RBMS3: variants seen among roughly 807,000 people sequenced by gnomAD.
The protein encoded by RBMS3 is RNA-binding motif, single-stranded-interacting protein 3.
In RBMS3, 27 loss-of-function variants were observed where a neutral mutation model predicts 66.8. The ratio of observed to expected loss-of-function variants is 0.40; its 90% confidence interval spans 0.30 to 0.56. RBMS3 has a LOEUF of 0.56. Ranked by LOEUF, RBMS3 falls within the 20% of genes least tolerant of loss-of-function variation. The probability of loss-of-function intolerance (pLI) is 0.40; values close to 1 mark genes in which losing one functional copy is unlikely to be tolerated. For synonymous variants in RBMS3, 188 were observed against 183.0 expected (o/e 1.03, Z -0.22); for missense variants, 513 against 549.5 (o/e 0.93, Z 0.66).
rs576923438 is a variant in RBMS3, at chr3:29,869,617, G to A, written c.744+653G>A. ...ATCCATTTACCCTCAATACAAACTGGTAAAAAAGCCAGTTTATGGATCCAG... is the reference window on the plus strand; with the variant it reads ...ATCCATTTACCCTCAATACAAACTGATAAAAAAGCCAGTTTATGGATCCAG... On this transcript the variant is annotated intron_variant, in intron 7 of 14. Coordinates refer to ENST00000383767, the MANE Select transcript of RBMS3 (RefSeq NM_001003793.3). Among the ~76,000 whole-genome samples, 16 of 152,060 alleles carry A rather than the reference G, an allele frequency of 1.1e-4. 1 individual carries two copies. Among genetic ancestry groups the A allele is most frequent in the Non-Finnish European group, 2.2e-4 (15 of 67,984 alleles).
At chr3:29,583,075 C>G (rs1450353285) in intron 3 of RBMS3, among the ~76,000 whole-genome samples, 2 of 152,110 alleles carry the variant, frequency 1.3e-5, no homozygotes, top group African/African-American at 4.8e-5. Context: ...ACAAAAGGGC[C>G]AACCTCTCTC....
chr3:29,651,208 A>T (rs9831085), intron 4 of RBMS3, among the ~76,000 whole-genome samples: 1 of 152,006 alleles, frequency 6.6e-6, no homozygotes, highest in East Asian at 1.9e-4. Flanking sequence ...GAGGTCTTGC[A>T]TAGGACTCTA....
chr3:29,355,699 C>A (rs1414478501), intron 1 of RBMS3, among the ~76,000 whole-genome samples: 1 of 151,990 alleles, frequency 6.6e-6, no homozygotes, highest in East Asian at 1.9e-4. Context: ...ACAGTATATG[C>A]CTTCATTTCC....
chr3:29,865,559 G>A (rs537588254), intron 6 of RBMS3, among the ~76,000 whole-genome samples: 3 of 152,300 alleles, frequency 2.0e-5, no homozygotes, highest in African/African-American at 7.2e-5. Flanking sequence ...AACAAAATAA[G>A]CAAGTTGGTC....
chr3:29,998,828 C>T (rs1699425454), intron 14 of RBMS3, among the ~76,000 whole-genome samples: 1 of 152,130 alleles, frequency 6.6e-6, no homozygotes, highest in South Asian at 2.1e-4. Flanking sequence ...TAGAAGAAAA[C>T]CTGGGCAATA....
intron 4 of RBMS3, among the ~76,000 whole-genome samples, chr3:29,694,359 C>T (rs1023504578): frequency 6.6e-6 from 1 of 152,156 alleles, no homozygotes; most frequent in Non-Finnish European, 1.5e-5. Context: ...TAACAAATTT[C>T]TCTACTATTT....
Position 29,960,363 on chromosome 3 carries a change from C to G in RBMS3, c.1098+16109C>G, listed in dbSNP as rs931823774. Among the ~76,000 whole-genome samples, 8 of 152,196 alleles carry G rather than the reference C, an allele frequency of 5.3e-5. No individual in the cohort carries two copies. The South Asian group carries it at 1.4e-3, about 28-fold the overall frequency. On this transcript the variant is annotated intron_variant, in intron 12 of 14. Coordinates refer to ENST00000383767, the MANE Select transcript of RBMS3 (RefSeq NM_001003793.3). The stretch of plus-strand genomic sequence containing the variant: ...TCCCATGGCCTTGGGCAGCTTTGCC[C>G]CTGTGGCTTTGCAGGGAACAGCTCC...
At chr3:29,566,143 A>C (rs1284001136) in intron 3 of RBMS3, among the ~76,000 whole-genome samples, 3 of 152,180 alleles carry the variant, frequency 2.0e-5, no homozygotes, top group Non-Finnish European at 4.4e-5. Flanking sequence ...ATATAGTTAC[A>C]AACAAAACCA....
rs190843008 is a variant in RBMS3, at chr3:29,753,924, C to T, written c.558-8986C>T. Among the ~76,000 whole-genome samples, 513 of 151,952 alleles carry T rather than the reference C, an allele frequency of 3.4e-3. 2 individuals are homozygous for T. Among genetic ancestry groups the T allele is most frequent in the African/African-American group, 0.012 (483 of 41,432 alleles). On this transcript the variant is annotated intron_variant, in intron 5 of 14. Coordinates refer to ENST00000383767, the MANE Select transcript of RBMS3 (RefSeq NM_001003793.3). The stretch of plus-strand genomic sequence containing the variant: ...TTTCAGAGAGAAACTATTTTTTCCC[C>T]GACCAAAATTTTAAATGAGATAAAA...
At chr3:29,793,029 G>C (rs1186880146) in intron 6 of RBMS3, among the ~76,000 whole-genome samples, 1 of 152,134 alleles carries the variant, frequency 6.6e-6, no homozygotes, top group Admixed American at 6.5e-5. Context: ...CTTGAGGTCA[G>C]GAGTTCAAGA....
At chr3:29,647,088 G>T (rs139547722) in intron 4 of RBMS3, among the ~76,000 whole-genome samples, 16 of 151,728 alleles carry the variant, frequency 1.1e-4, no homozygotes, top group Admixed American at 9.2e-4. Context: ...AGTGATTCTC[G>T]TGCCTCAGCC....
intron 10 of RBMS3, among the ~76,000 whole-genome samples, chr3:29,921,414 C>T (rs929974563): frequency 2.1e-5 from 3 of 143,416 alleles, no homozygotes; most frequent in Admixed American, 7.6e-5. Flanking sequence ...AGAATAGCCA[C>T]TCAGAATATG....
rs948421190 is a variant in RBMS3, at chr3:29,447,008, G to A, written c.248+12093G>A. Among the ~76,000 whole-genome samples the A allele has an allele frequency of 5.2e-5, 7 of 135,814 alleles. No homozygotes were observed. In the East Asian group the frequency reaches 7.0e-4, roughly 14 times the overall value. 89.1% of individuals were successfully genotyped at this position (135,814 alleles called of 152,430 possible). A position where few individuals can be genotyped will look rare whatever the true frequency, so the allele number is the denominator to read the frequency against. On this transcript the variant is annotated intron_variant, in intron 2 of 14. Transcript: ENST00000383767. ...GGCTCACTGCACCTCCGCCTCCCAC[G>A]TTCAAGCCATTCTCTTGCCTCAGTC...
intron 1 of RBMS3, among the ~76,000 whole-genome samples, chr3:29,336,307 C>G (rs1052203690): frequency 3.9e-5 from 6 of 152,122 alleles, no homozygotes; most frequent in Non-Finnish European, 8.8e-5. Context: ...CTGATCCAAA[C>G]TATACCATGG....
At chr3:29,872,925 C>G (rs150584641) in intron 7 of RBMS3, among the ~76,000 whole-genome samples, 3 of 152,216 alleles carry the variant, frequency 2.0e-5, no homozygotes, top group African/African-American at 7.2e-5. Context: ...TTTCTGGGCT[C>G]TCTATTCTGT....
intron 3 of RBMS3, among the ~76,000 whole-genome samples, chr3:29,541,194 A>T (rs2045742084): frequency 6.6e-6 from 1 of 151,434 alleles, no homozygotes; most frequent in African/African-American, 2.4e-5. Flanking sequence ...CATGTGAAAA[A>T]CTCCCAAAAA....
intron 1 of RBMS3, among the ~76,000 whole-genome samples, chr3:29,377,957 T>G (rs2038562498): frequency 6.6e-6 from 1 of 152,206 alleles, no homozygotes; most frequent in Non-Finnish European, 1.5e-5. Flanking sequence ...AATCAGCCTA[T>G]GTATATTGAT....
At chr3:29,453,169 C>T (rs1473117834) in intron 2 of RBMS3, among the ~76,000 whole-genome samples, 1 of 152,138 alleles carries the variant, frequency 6.6e-6, no homozygotes, top group Non-Finnish European at 1.5e-5. Context: ...TAGCTAATCT[C>T]AAATGTTTGA....
At chr3:29,882,670 A>G (rs1338559013) in intron 7 of RBMS3, among the ~76,000 whole-genome samples, 1 of 152,128 alleles carries the variant, frequency 6.6e-6, no homozygotes, top group Admixed American at 6.6e-5. Context: ...GCAGCAGGCT[A>G]TACTGTACAT....
Sources: gnomAD v4.1 joint callset for allele counts (sites outside exome capture counted in the v4.1 genomes callset) on GRCh38, gnomAD v4.1.1 for gene constraint, MANE v1.5 for transcripts, NCBI Gene and HGNC (gene_info 2026-07-23, HGNC 2026-07-21) for gene names.